The following HEATR5A variants were observed in gnomAD, a reference collection of about 807,000 sequenced individuals.
The protein encoded by HEATR5A is HEAT repeat containing 5A, also known as HEAT repeat-containing protein 5A.
In HEATR5A, 178 loss-of-function variants were observed where a neutral mutation model predicts 218.8. That is an observed-to-expected ratio of 0.81 (90% CI 0.72 to 0.92). HEATR5A has a LOEUF of 0.92. Ranked by LOEUF, HEATR5A falls within the 40% of genes least tolerant of loss-of-function variation. The probability of loss-of-function intolerance (pLI) is 0.00; values close to 1 mark genes in which losing one functional copy is unlikely to be tolerated. For missense variants in HEATR5A, 2,420 were observed against 2,418.9 expected, an observed-to-expected ratio of 1.00 and a Z score of -0.01; for synonymous variants, 864 against 871.6, an observed-to-expected ratio of 0.99 and a Z score of 0.15.
At chr14:31,322,656 G>T (rs72672637) in intron 24 of HEATR5A, among the ~76,000 whole-genome samples, 3,722 of 151,728 alleles carry the variant, frequency 0.025, 51 homozygotes, top group Non-Finnish European at 0.038. Flanking sequence ...CACTTCTACA[G>T]AAAAATTAAA....
At chr14:31,318,530 AGGCAGGCTG>A (rs1008675527) in intron 25 of HEATR5A, among the ~76,000 whole-genome samples, 1 of 151,838 alleles carries the variant, frequency 6.6e-6, no homozygotes, top group Non-Finnish European at 1.5e-5. Context: ...CCTGTCGCCC[AGGCAGGCTG>A]GAGTGCAGTG....
chr14:31,346,843 G>A (rs143082656), intron 19 of HEATR5A, among the ~76,000 whole-genome samples: 1,801 of 152,278 alleles, frequency 0.012, 134 homozygotes, highest in Admixed American at 0.11. Flanking sequence ...CAGATAAGAC[G>A]ACAGAAGGGG....
rs1427039319 is a variant in HEATR5A at position 31,402,950 on chromosome 14, A to C, written c.26T>G (p.Leu9Arg). 6.5e-7 allele frequency: 1 copy of C among 1,536,124 alleles called. No homozygotes were observed. Among genetic ancestry groups the C allele is most frequent in the South Asian group, 1.2e-5 (1 of 84,054 alleles). ...TAGTTGATTGTATGCTTCTTCATTC[A>C]GCAGTAAGCTATGAGCTAATTCCAT... MELAHSLL[L>R]NEEAYNQLGE... The change falls in exon 2 of 36, where the codon CTG becomes CGG. Residue 9 changes from leucine (L) to arginine (R), a missense_variant. Physicochemically the swap from Leu to Arg is moderately radical, Grantham distance 102. Transcript: ENST00000543095.
intron 19 of HEATR5A, 123 bp downstream of exon 19, chr14:31,347,625 A>G: frequency 2.8e-6 from 2 of 717,196 alleles, no homozygotes; most frequent in Non-Finnish European, 4.0e-6. Flanking sequence ...CAAGGTTAAC[A>G]ACGGCTTCCA....
At chr14:31,346,891 T>G (rs146142579) in intron 19 of HEATR5A, among the ~76,000 whole-genome samples, 171 of 152,232 alleles carry the variant, frequency 1.1e-3, no homozygotes, top group Non-Finnish European at 1.9e-3. Flanking sequence ...ATTCCATATT[T>G]GATTAAGATA....
chr14:31,298,156 G>C (rs576023270), intron 33 of HEATR5A, among the ~76,000 whole-genome samples: 28 of 152,110 alleles, frequency 1.8e-4, no homozygotes, highest in Non-Finnish European at 3.7e-4. Context: ...CACCTTAACA[G>C]TAATTTCATG....
intron 13 of HEATR5A, among the ~76,000 whole-genome samples, chr14:31,365,914 C>A (rs984094128): frequency 2.0e-5 from 3 of 152,158 alleles, no homozygotes; most frequent in Non-Finnish European, 2.9e-5. Flanking sequence ...ATCCACCCAT[C>A]TCGGCCTCCT....
rs190813795 is a variant in HEATR5A, at chr14:31,296,264, A to C, written c.5465-201T>G. 92 of 471,656 alleles carry C rather than the reference A, an allele frequency of 2.0e-4. 1 individual carries two copies. The highest frequency in any genetic ancestry group is 1.8e-3 in the East Asian group (54 of 29,592). 29.2% of individuals were successfully genotyped at this position (471,656 alleles called of 1,614,324 possible). ...AGCTAAGAACTACCAAAGTAATTATAATCTTTAAAGGTTAAGACATCAGTA... is the reference window on the plus strand; with the variant it reads ...AGCTAAGAACTACCAAAGTAATTATCATCTTTAAAGGTTAAGACATCAGTA... On this transcript the variant is annotated intron_variant, in intron 33 of 35. Transcript: ENST00000543095.
chr14:31,409,417 A>AG (rs2031198843), intron 1 of HEATR5A, among the ~76,000 whole-genome samples: 2 of 151,134 alleles, frequency 1.3e-5, no homozygotes, highest in Admixed American at 1.3e-4. Flanking sequence ...CCGTATTATC[A>AG]GGCCAGGCGC....
chr14:31,406,147 G>A (rs1389228870), intron 1 of HEATR5A, among the ~76,000 whole-genome samples: 1 of 152,118 alleles, frequency 6.6e-6, no homozygotes, highest in East Asian at 1.9e-4. Context: ...TTCAGTCAAT[G>A]TTATCTGCTA....
At chr14:31,315,693 C>T in intron 27 of HEATR5A, 77 bp downstream of exon 27, 1 of 1,035,428 alleles carries the variant, frequency 9.7e-7, no homozygotes, top group Non-Finnish European at 1.4e-6. Flanking sequence ...TCATTTTAAA[C>T]AGTAAATTTC....
intron 23 of HEATR5A, among the ~76,000 whole-genome samples, chr14:31,325,413 T>C (rs1900232405): frequency 6.6e-6 from 1 of 152,130 alleles, no homozygotes; most frequent in African/African-American, 2.4e-5. Context: ...TGTCATAACT[T>C]TGTATAACTT....
In HEATR5A at chr14:31,387,356, G is replaced by A. The variant is rs749516797; in HGVS notation, c.953C>T (p.Ser318Leu). 2 of 1,612,904 alleles carry A rather than the reference G, an allele frequency of 1.2e-6. No homozygotes were observed. Among genetic ancestry groups the A allele is most frequent in the Non-Finnish European group, 1.7e-6 (2 of 1,179,042 alleles). Reference protein sequence around the residue: ...GVTQAYVVFVSTLGGAWLEKN... With the variant: ...GVTQAYVVFVLTLGGAWLEKN... ...CTCTAGCCAAGCTCCTCCTAGTGTT[G>A]AAACAAATACCACATAAGCCTAAAA... is the stretch of plus-strand genomic sequence containing the variant. The change falls in exon 8 of 36, where the codon TCA becomes TTA. Residue 318 changes from serine to leucine, a missense_variant. Ser to Leu is a moderately radical substitution (Grantham distance 145, BLOSUM62 -2). Coordinates refer to ENST00000543095, the MANE Select transcript of HEATR5A (RefSeq NM_015473.4).
intron 27 of HEATR5A, 108 bp from the exon 28 acceptor site, chr14:31,313,298 C>T: frequency 2.6e-6 from 2 of 777,134 alleles, no homozygotes; most frequent in East Asian, 2.5e-5. Context: ...GCATACTGGA[C>T]TTGAAATGCA....
chr14:31,373,660 G>A (rs755485619), intron 12 of HEATR5A, among the ~76,000 whole-genome samples: 3 of 152,034 alleles, frequency 2.0e-5, no homozygotes, highest in Non-Finnish European at 4.4e-5. Context: ...TCTACATATT[G>A]TAGAAGGTAC....
chr14:31,373,866 AGAT>A (rs1166580959), intron 12 of HEATR5A, among the ~76,000 whole-genome samples: 1 of 152,178 alleles, frequency 6.6e-6, no homozygotes, highest in Non-Finnish European at 1.5e-5. Context: ...CTCAACATAA[AGAT>A]GATGAGGATG....
Position 31,320,582 on chromosome 14 carries a change from G to A in HEATR5A, c.3969+917C>T, listed in dbSNP as rs985652225. 4 of 787,992 alleles carry A rather than the reference G, an allele frequency of 5.1e-6. No homozygotes were observed. In the African/African-American group the frequency reaches 5.1e-5, roughly 10 times the overall value. The allele number at this position is 787,992 out of a possible 1,614,324, so 48.8% of individuals were successfully genotyped here. On this transcript the variant is annotated intron_variant, in intron 25 of 35. Coordinates refer to ENST00000543095, the MANE Select transcript of HEATR5A (RefSeq NM_015473.4). Reference sequence around the variant, plus strand: ...AGACACAGGCCTGATTAGACCCCTGGTACAACAGCAGATCAGAGCTGGAGA... The same window carrying A: ...AGACACAGGCCTGATTAGACCCCTGATACAACAGCAGATCAGAGCTGGAGA...
chr14:31,309,293 C>CT, intron 28 of HEATR5A, 111 bp from the exon 29 acceptor site: 1 of 1,191,664 alleles, frequency 8.4e-7, no homozygotes, highest in Non-Finnish European at 1.2e-6. Flanking sequence ...CCCTTGTACC[C>CT]TTTTTCAGTC....
chr14:31,414,762 A>G (rs61994180), intron 1 of HEATR5A, among the ~76,000 whole-genome samples: 8,969 of 152,158 alleles, frequency 0.059, 394 homozygotes, highest in Non-Finnish European at 0.089. Flanking sequence ...CCCAGTTAGA[A>G]TTCACAGATT....
Sources: allele counts gnomAD v4.1 joint callset (sites outside exome capture counted in the v4.1 genomes callset), GRCh38; gene constraint gnomAD v4.1.1; transcripts MANE v1.5; gene names NCBI Gene and HGNC (gene_info 2026-07-23, HGNC 2026-07-21).